The following FKBP8 variants were observed in gnomAD, a reference collection of about 807,000 sequenced individuals.
FKBP8 encodes FKBP prolyl isomerase 8.
A neutral mutation model predicts 41.7 loss-of-function variants in FKBP8; 5 were observed. That is an observed-to-expected ratio of 0.12 (90% CI 0.06 to 0.25). The LOEUF (loss-of-function observed/expected upper bound fraction) is 0.25. Ranked by LOEUF, FKBP8 falls within the 10% of genes least tolerant of loss-of-function variation. FKBP8 has a pLI of 1.00. For synonymous variants in FKBP8, 279 were observed against 254.5 expected, an observed-to-expected ratio of 1.10 and a Z score of -0.92; for missense variants, 397 against 563.0, an observed-to-expected ratio of 0.71 and a Z score of 2.98.
intron 4 of FKBP8, among the ~76,000 whole-genome samples, chr19:18,539,154 G>A (rs931064796): frequency 1.3e-5 from 2 of 151,994 alleles, no homozygotes; most frequent in African/African-American, 2.4e-5. Context: ...ATAGAGATGC[G>A]GTCTATATTG....
intron 1 of FKBP8, chr19:18,543,057 A>C (rs1976745693): frequency 5.5e-5 from 18 of 325,522 alleles, no homozygotes; most frequent in South Asian, 3.8e-4. Flanking sequence ...CTCGCCGTAA[A>C]CACTCCAGTG....
Position 18,541,779 on chromosome 19 carries a change from C to A in FKBP8, c.192G>T (p.Glu64Asp). The A allele has an allele frequency of 6.2e-7, 1 of 1,613,992 alleles. No homozygotes were observed. The highest frequency in any genetic ancestry group is 1.1e-5 in the South Asian group (1 of 91,068). Residue 64 changes from glutamate to aspartate, a missense_variant, in exon 2 of 9, where the codon GAG becomes GAT. Physicochemically the swap from Glu to Asp is conservative, Grantham distance 45. Around this residue, in one of 2 missense-constraint regions of FKBP8, gnomAD observed 172 missense variants for 196.2 expected, o/e 0.88. Transcript: ENST00000608443. ...CCAGGGCCCCAGGCTGCTCAGCCTC[C>A]TCCGCCGGGGGTTGTCCCATGTCCT... Reference protein sequence around the residue: ...PLEDMGQPPAEEAEQPGALAR... With the variant: ...PLEDMGQPPADEAEQPGALAR...
rs555323725 is a variant in FKBP8, at chr19:18,539,074, A to C, written c.551+297T>G. Among the ~76,000 whole-genome samples the C allele has an allele frequency of 7.9e-5, 12 of 151,906 alleles. 1 individual carries two copies. The South Asian group carries it at 2.3e-3, about 29-fold the overall frequency. On this transcript the variant is annotated intron_variant, in intron 4 of 8. Transcript: ENST00000608443. ...CATGATCCACCCGCCTTGGCCTCCC[A>C]AAGTGCTGGGATTACAGGCGTAAGC...
At position 18,537,947 on chromosome 19, in the gene FKBP8, C is replaced by T. The variant is rs1249017649; in HGVS notation, c.773-174G>A. 2 of 726,998 alleles carry T rather than the reference C, an allele frequency of 2.8e-6. No individual in the cohort carries two copies. Among genetic ancestry groups the T allele is most frequent in the Non-Finnish European group, 4.4e-6 (2 of 451,604 alleles). 45.0% of individuals were successfully genotyped at this position (726,998 alleles called of 1,614,324 possible). ...GGAAGCTACAAGATGGAGACTTAAGCAAGCGAGGGCCTAGCCTGTGGTACA... is the reference window on the plus strand; with the variant it reads ...GGAAGCTACAAGATGGAGACTTAAGTAAGCGAGGGCCTAGCCTGTGGTACA... On this transcript the variant is annotated intron_variant, in intron 5 of 8. Coordinates refer to ENST00000608443, the MANE Select transcript of FKBP8 (RefSeq NM_012181.5). The surrounding 1 kb of genome is among the most constrained non-coding windows in gnomAD (Gnocchi z 4.4).
chr19:18,542,980 C>A (rs1224423064), intron 1 of FKBP8: 2 of 1,066,454 alleles, frequency 1.9e-6, no homozygotes, highest in South Asian at 1.5e-5. Context: ...TTCGGCCTCC[C>A]CTCCCACCCC....
At chr19:18,534,964 T>C (rs1234002402) in intron 6 of FKBP8, among the ~76,000 whole-genome samples, 1 of 151,994 alleles carries the variant, frequency 6.6e-6, no homozygotes. Context: ...TTTGTATTTT[T>C]AGTAGAGACA....
intron 6 of FKBP8, chr19:18,536,329 C>T (rs563686414): frequency 6.6e-6 from 1 of 152,214 alleles, no homozygotes; most frequent in South Asian, 2.1e-4. Flanking sequence ...CCAGATTCAC[C>T]CCTATGTTCT....
rs746412364 is a variant in FKBP8 at position 18,538,449 on chromosome 19, G to C, written c.552-13C>G. On this transcript the variant is annotated splice_polypyrimidine_tract_variant and intron_variant, in intron 4 of 8. Coordinates refer to ENST00000608443, the MANE Select transcript of FKBP8 (RefSeq NM_012181.5). This position sits in a 1 kb window ranked among gnomAD's most constrained non-coding sequence, Gnocchi z 4.0. ...GTATGGGCTCCTGCTAGTTGGGTGG[G>C]AGCAGGCAGGGGCAGCACTCAGACC... 5.1e-5 allele frequency: 82 copies of C among 1,607,188 alleles called. No individual in the cohort carries two copies. The highest frequency in any genetic ancestry group is 6.7e-5 in the Non-Finnish European group (79 of 1,178,064).
At chr19:18,542,918 C>G in intron 1 of FKBP8, 7 of 1,280,706 alleles carry the variant, frequency 5.5e-6, no homozygotes, top group Non-Finnish European at 7.1e-6. Flanking sequence ...CGGAGCCCCA[C>G]TTTGAGAGAC....
rs767900697 is a variant in FKBP8, at chr19:18,532,139, G to T, written c.*30C>A. 1 of 1,551,894 alleles carries T rather than the reference G, an allele frequency of 6.4e-7. No individual in the cohort carries two copies. The highest frequency in any genetic ancestry group is 8.8e-7 in the Non-Finnish European group (1 of 1,142,822). ...GGGAGCGCAGGGCAGGGTCCATGGT[G>T]TGCAGAGGGGGTGGCAGCCACCTAG... On this transcript the variant is annotated 3_prime_UTR_variant, in exon 9 of 9. Transcript: ENST00000608443.
chr19:18,541,704 G>C lies in FKBP8; in HGVS notation c.267C>G (p.Ala89=), dbSNP rs1376376743. The C allele has an allele frequency of 6.2e-7, 1 of 1,611,362 alleles. No individual in the cohort carries two copies. Among genetic ancestry groups the C allele is most frequent in the East Asian group, 2.2e-5 (1 of 44,832 alleles). ...CCAGAATGTCCAGCCACTCTTCTGG[G>C]GCCGGGGCTGGGGCGGGCTCGGGCT... ...AMEPEPAPAP[A]PEEWLDILGN... is the part of the protein sequence containing the mutation. Residue 89 remains alanine (A), a synonymous_variant, in exon 2 of 9, where the codon GCC becomes GCG. Coordinates refer to ENST00000608443, the MANE Select transcript of FKBP8 (RefSeq NM_012181.5).
At position 18,532,195 on chromosome 19, in the gene FKBP8, A is replaced by G; in HGVS notation, c.1216T>C (p.Ser406Pro). ...CAGTTCCTGGCAGCGATGACCACAG[A>G]GAGTGCCACACCCCCCAAGGCAACA... ...TAVALGGVALSVVIAARN is the reference protein window; with the variant it reads ...TAVALGGVALPVVIAARN Residue 406 changes from serine to proline, a missense_variant, in exon 9 of 9, where the codon TCT becomes CCT. Coordinates refer to ENST00000608443, the MANE Select transcript of FKBP8 (RefSeq NM_012181.5). The G allele has an allele frequency of 6.2e-7, 1 of 1,608,992 alleles. No individual in the cohort carries two copies. The highest frequency in any genetic ancestry group is 8.5e-7 in the Non-Finnish European group (1 of 1,178,180).
At chr19:18,533,135 G>T in intron 7 of FKBP8, 135 bp downstream of exon 7, 1 of 831,170 alleles carries the variant, frequency 1.2e-6, no homozygotes, top group Non-Finnish European at 1.8e-6. Flanking sequence ...AGCTGACCAG[G>T]ACCCTTCAGG....
rs1976624796 is a variant in FKBP8 at position 18,538,285 on chromosome 19, G to A, written c.703C>T (p.Arg235Trp). ...KRECGNAHYQ[R>W]ADFVLAANSY... ...TTGGCGGCCAGGACGAAGTCCGCCCGCTGGTAGTGGGCGTTGCCGCACTCC... is the reference window on the plus strand; with the variant it reads ...TTGGCGGCCAGGACGAAGTCCGCCCACTGGTAGTGGGCGTTGCCGCACTCC... Residue 235 changes from arginine (R) to tryptophan (W), a missense_variant, in exon 5 of 9, where the codon CGG (arginine) becomes TGG (tryptophan). Physicochemically the swap from Arg to Trp is moderately radical, Grantham distance 101 (BLOSUM62 -3). Around this residue, in one of 2 missense-constraint regions of FKBP8, gnomAD observed 225 missense variants for 366.8 expected, o/e 0.61. Transcript: ENST00000608443. The surrounding 1 kb of genome is among the most constrained non-coding windows in gnomAD (Gnocchi z 4.0). 1.9e-6 allele frequency: 3 copies of A among 1,613,430 alleles called. No individual in the cohort carries two copies. Among genetic ancestry groups the A allele is most frequent in the African/African-American group, 1.3e-5 (1 of 74,946 alleles).
At chr19:18,542,982 T>G in intron 1 of FKBP8, 7 of 705,376 alleles carry the variant, frequency 9.9e-6, no homozygotes, top group Non-Finnish European at 1.2e-5. Context: ...CGGCCTCCCC[T>G]CCCACCCCCC....
Position 18,537,631 on chromosome 19 carries a change from G to A in FKBP8, c.915C>T (p.Asp305=), listed in dbSNP as rs1976608883. The A allele has an allele frequency of 6.2e-7, 1 of 1,609,434 alleles. No homozygotes were observed. Among genetic ancestry groups the A allele is most frequent in the Non-Finnish European group, 8.5e-7 (1 of 1,177,366 alleles). Residue 305 remains aspartate, a synonymous_variant, in exon 6 of 9, where the codon GAC becomes GAT. Coordinates refer to ENST00000608443, the MANE Select transcript of FKBP8 (RefSeq NM_012181.5). The surrounding 1 kb of genome is among the most constrained non-coding windows in gnomAD (Gnocchi z 4.4). ...CCTTGCGGAAGAGAGCCTTGATGTTGTCTGGCTGGTGCTCCAGCACAAGGC... is the reference window on the plus strand; with the variant it reads ...CCTTGCGGAAGAGAGCCTTGATGTTATCTGGCTGGTGCTCCAGCACAAGGC... ...SCSLVLEHQP[D]NIKALFRKGK...
At chr19:18,543,085 C>T (rs1304242879) in intron 1 of FKBP8, 11 of 297,036 alleles carry the variant, frequency 3.7e-5, no homozygotes, top group South Asian at 2.3e-4. Flanking sequence ...ACGCCCCCCC[C>T]TTTCCGATCC....
At chr19:18,536,975 G>A (rs970244599) in intron 6 of FKBP8, among the ~76,000 whole-genome samples, 1 of 152,158 alleles carries the variant, frequency 6.6e-6, no homozygotes, top group Non-Finnish European at 1.5e-5. Flanking sequence ...GGCCCCAAGG[G>A]CTGTGACTAG....
At chr19:18,534,626 G>C (rs1382514708) in intron 6 of FKBP8, among the ~76,000 whole-genome samples, 3 of 151,820 alleles carry the variant, frequency 2.0e-5, no homozygotes, top group African/African-American at 7.3e-5. Context: ...CGGTCACCCA[G>C]GCTGGAGTGC....
Sources: allele counts gnomAD v4.1 joint callset (sites outside exome capture counted in the v4.1 genomes callset), GRCh38; gene constraint gnomAD v4.1.1; regional missense constraint gnomAD v4.1.1; non-coding constraint Gnocchi (gnomAD v3.1); transcripts MANE v1.5; gene names NCBI Gene and HGNC (gene_info 2026-07-23, HGNC 2026-07-21).